Variants in CSMD1 observed in about 807,000 individuals in gnomAD.
CSMD1 encodes the protein CUB and Sushi multiple domains 1.
In CSMD1, 213 loss-of-function variants were observed where a neutral mutation model predicts 417.5. That is an observed-to-expected ratio of 0.51 (90% confidence interval 0.46 to 0.57). The LOEUF is 0.57. CSMD1 is among the 20% of genes least tolerant of loss of function. The pLI is 0.00. For missense variants in CSMD1, 6,923 were observed against 4,529.7 expected (o/e 1.53, Z -15.17); for synonymous variants, 2,862 against 1,736.8 (o/e 1.65, Z -16.11).
rs186215889 is a variant in CSMD1, at chr8:4,876,756, C to T, written c.85+117576G>A. On this transcript the variant is annotated intron_variant, in intron 1 of 69. Transcript: ENST00000635120. ...CTTGTGTGCTGAGTGTACCAGTTTA[C>T]ATCTGGAGTCATTTCTCAGTTTTTT... 7.2e-5 allele frequency among the ~76,000 whole-genome samples: 11 copies of T among 152,146 alleles called. No individual in the cohort carries two copies. In the East Asian group the frequency reaches 1.5e-3, roughly 21 times the overall value.
intron 4 of CSMD1, among the ~76,000 whole-genome samples, chr8:4,013,872 G>C (rs901156316): frequency 2.0e-5 from 3 of 152,118 alleles, no homozygotes; most frequent in South Asian, 4.1e-4. Flanking sequence ...CTAAAACAGA[G>C]ATCATATGAC....
chr8:4,916,396 T>G (rs1466308154), intron 1 of CSMD1, among the ~76,000 whole-genome samples: 1 of 152,264 alleles, frequency 6.6e-6, no homozygotes, highest in African/African-American at 2.4e-5. Context: ...CAGAGTACAT[T>G]GGAACACATA....
chr8:4,048,444 C>A (rs1585204007), intron 3 of CSMD1, among the ~76,000 whole-genome samples: 1 of 152,274 alleles, frequency 6.6e-6, no homozygotes, highest in Non-Finnish European at 1.5e-5. Flanking sequence ...CTCCTATTTT[C>A]CCAACAAGAT....
chr8:4,764,814 G>A (rs1344107129), intron 1 of CSMD1, among the ~76,000 whole-genome samples: 8 of 144,776 alleles, frequency 5.5e-5, no homozygotes, highest in Non-Finnish European at 1.0e-4. Context: ...CAGAGCTTGC[G>A]GTGAGCAGAG....
Position 4,295,363 on chromosome 8 carries a change from T to G in CSMD1, c.415+124590A>C, listed in dbSNP as rs549671360. Among the ~76,000 whole-genome samples, 25 of 144,250 alleles carry G rather than the reference T, an allele frequency of 1.7e-4. 1 individual carries two copies. The East Asian group carries it at 4.9e-3, about 28-fold the overall frequency. The allele number at this position is 144,250 out of a possible 152,430, so 94.6% of individuals were successfully genotyped here. On this transcript the variant is annotated intron_variant, in intron 3 of 69. Coordinates refer to ENST00000635120, the MANE Select transcript of CSMD1 (RefSeq NM_033225.6). ...GATTATGCACATATAACCTTAAGAT[T>G]ATATATGTATCTTATTATACACATA... is the stretch of plus-strand genomic sequence containing the variant.
At chr8:3,044,668 A>G (rs1247172362) in intron 50 of CSMD1, among the ~76,000 whole-genome samples, 2 of 152,134 alleles carry the variant, frequency 1.3e-5, no homozygotes, top group Non-Finnish European at 2.9e-5. Flanking sequence ...TCTGCCTCGG[A>G]GATCTGCACC....
intron 1 of CSMD1, among the ~76,000 whole-genome samples, chr8:4,982,757 C>G (rs1183080093): frequency 6.6e-6 from 1 of 152,150 alleles, no homozygotes; most frequent in African/African-American, 2.4e-5. Context: ...GATCATACCC[C>G]AAAGTTCGGC....
At chr8:4,353,453 G>C (rs553284825) in intron 3 of CSMD1, among the ~76,000 whole-genome samples, 2 of 151,812 alleles carry the variant, frequency 1.3e-5, no homozygotes, top group African/African-American at 4.8e-5. Context: ...GTCTTTATTA[G>C]CAGTGTGAGA....
intron 3 of CSMD1, among the ~76,000 whole-genome samples, chr8:4,094,209 G>A (rs1457187604): frequency 6.6e-6 from 1 of 152,020 alleles, no homozygotes; most frequent in Non-Finnish European, 1.5e-5. Context: ...GTGTGAGCTT[G>A]GCTGCACTAG....
intron 3 of CSMD1, among the ~76,000 whole-genome samples, chr8:4,033,669 G>C (rs891900811): frequency 1.3e-5 from 2 of 152,130 alleles, no homozygotes; most frequent in Admixed American, 6.6e-5. Flanking sequence ...CTGATGACTC[G>C]TATTTGGCTC....
intron 3 of CSMD1, among the ~76,000 whole-genome samples, chr8:4,191,226 C>G (rs925477958): frequency 1.3e-5 from 2 of 152,080 alleles, no homozygotes; most frequent in Non-Finnish European, 2.9e-5. Flanking sequence ...GAAACCCCAT[C>G]TGTACTAAAA....
chr8:3,736,029 T>G (rs1029647254), intron 6 of CSMD1, among the ~76,000 whole-genome samples: 2 of 151,772 alleles, frequency 1.3e-5, no homozygotes, highest in African/African-American at 4.8e-5. Context: ...ATAGAGGGAA[T>G]AGAAATACAA....
chr8:3,230,101 T>C lies in CSMD1; in HGVS notation c.4284A>G (p.Lys1428=). 8 of 1,613,566 alleles carry C rather than the reference T, an allele frequency of 5.0e-6. No individual in the cohort carries two copies. Among genetic ancestry groups the C allele is most frequent in the Non-Finnish European group, 6.8e-6 (8 of 1,179,670 alleles). The part of the protein sequence containing the change: ...DPGYQLQGQA[K]ITCVQLNNRF... ...GGTTATTCAGCTGCACACAGGTGAT[T>C]TTGGCTTGTCCTTGGAGCTGATAGC... Residue 1428 remains lysine (K), a synonymous_variant, in exon 27 of 70, where the codon AAA becomes AAG. Transcript: ENST00000635120.
At chr8:4,835,555 T>C (rs986280535) in intron 1 of CSMD1, among the ~76,000 whole-genome samples, 1 of 152,164 alleles carries the variant, frequency 6.6e-6, no homozygotes, top group East Asian at 1.9e-4. Flanking sequence ...GTGGTTAAGT[T>C]AGCACACAGA....
At chr8:4,742,184 C>G (rs1209142822) in intron 1 of CSMD1, among the ~76,000 whole-genome samples, 1 of 150,434 alleles carries the variant, frequency 6.6e-6, no homozygotes. Flanking sequence ...GCGCCCGCCA[C>G]CACGCCCGGC....
At chr8:4,922,461 T>C (rs1318149824) in intron 1 of CSMD1, among the ~76,000 whole-genome samples, 1 of 152,242 alleles carries the variant, frequency 6.6e-6, no homozygotes, top group Non-Finnish European at 1.5e-5. Flanking sequence ...TTCTAATAAC[T>C]TGATATTATC....
chr8:4,315,034 T>A (rs930190982), intron 3 of CSMD1, among the ~76,000 whole-genome samples: 1 of 152,140 alleles, frequency 6.6e-6, no homozygotes, highest in South Asian at 2.1e-4. Context: ...CCTCTTCTAA[T>A]CATGACTGCG....
At chr8:3,556,988 T>G (rs1361439434) in intron 10 of CSMD1, among the ~76,000 whole-genome samples, 1 of 152,140 alleles carries the variant, frequency 6.6e-6, no homozygotes, top group Admixed American at 6.5e-5. Flanking sequence ...CAGCACCCAG[T>G]CCTTTGCAGT....
intron 2 of CSMD1, among the ~76,000 whole-genome samples, chr8:4,636,255 T>A (rs565952226): frequency 5.3e-5 from 8 of 152,100 alleles, no homozygotes; most frequent in East Asian, 3.9e-4. Flanking sequence ...CTTTGCCAAA[T>A]TGAAAACAAA....
Sources: gnomAD v4.1 joint callset for allele counts (sites outside exome capture counted in the v4.1 genomes callset) on GRCh38, gnomAD v4.1.1 for gene constraint, MANE v1.5 for transcripts, NCBI Gene and HGNC (gene_info 2026-07-23, HGNC 2026-07-21) for gene names.